Variants in ZNF317 observed in about 807,000 individuals in gnomAD.
The protein encoded by ZNF317 is zinc finger protein 317.
In ZNF317, 17 loss-of-function variants were observed where a neutral mutation model predicts 23.4. That is an observed-to-expected ratio of 0.73 (90% CI 0.50 to 1.09). ZNF317 has a LOEUF of 1.09. ZNF317 is among the 50% of genes least tolerant of loss of function. The probability of loss-of-function intolerance (pLI) is 0.00; values close to 1 mark genes in which losing one functional copy is unlikely to be tolerated. For synonymous variants in ZNF317, 317 were observed against 314.9 expected, an observed-to-expected ratio of 1.01 and a Z score of -0.07; for missense variants, 679 against 796.7, an observed-to-expected ratio of 0.85 and a Z score of 1.78.
At chr19:9,153,421 C>T (rs2050754292) in intron 1 of ZNF317, among the ~76,000 whole-genome samples, 1 of 152,148 alleles carries the variant, frequency 6.6e-6, no homozygotes, top group South Asian at 2.1e-4. Flanking sequence ...CCTTGGTCTC[C>T]CAAAGTGCTG....
rs887902240 is a variant in ZNF317, at chr19:9,161,047, C to A, written c.1402C>A (p.His468Asn). The change falls in exon 7 of 7, where the codon CAC becomes AAC. Residue 468 changes from histidine (H) to asparagine (N), a missense_variant. By Grantham distance (68) the His-to-Asn change is moderately conservative (BLOSUM62 1). Coordinates refer to ENST00000247956, the MANE Select transcript of ZNF317 (RefSeq NM_020933.5). This position sits in a 1 kb window ranked among gnomAD's most constrained non-coding sequence, Gnocchi z 4.0. The stretch of plus-strand genomic sequence containing the variant: ...AAACCTCACCGCACACAGGAAGATA[C>A]ACACGCAAGAGAGACGCTACGAATG... The part of the protein sequence containing the change: ...SSNLTAHRKI[H>N]TQERRYECAA... 1.9e-6 allele frequency: 3 copies of A among 1,614,172 alleles called. No individual in the cohort carries two copies. Among genetic ancestry groups the A allele is most frequent in the Non-Finnish European group, 2.5e-6 (3 of 1,180,034 alleles).
At chr19:9,153,153 T>G (rs2050750977) in intron 1 of ZNF317, among the ~76,000 whole-genome samples, 1 of 99,824 alleles carries the variant, frequency 1.0e-5, no homozygotes, top group African/African-American at 4.3e-5. Flanking sequence ...GTTGTTTTTG[T>G]TTGTTTGTTT....
intron 6 of ZNF317, 149 bp downstream of exon 6, chr19:9,159,057 A>T (rs932071201): frequency 3.2e-6 from 2 of 623,774 alleles, no homozygotes; most frequent in Non-Finnish European, 5.7e-6. Flanking sequence ...ACCAAGATGG[A>T]GACAACCCTA....
In ZNF317 at chr19:9,152,152, C is replaced by T. The variant is rs545867979; in HGVS notation, c.-92-3773C>T. On this transcript the variant is annotated intron_variant, in intron 1 of 6. Transcript: ENST00000247956. The stretch of plus-strand genomic sequence containing the variant: ...CGATCTCCTGACCTCCTGATCCACC[C>T]GCCTCGGCCTCCCAAAATGCTGGGA... Among the ~76,000 whole-genome samples the T allele has an allele frequency of 5.9e-5, 9 of 152,094 alleles. No homozygotes were observed. In the South Asian group the frequency reaches 6.2e-4, roughly 11 times the overall value.
chr19:9,162,572 C>G lies in ZNF317; in HGVS notation c.*1139C>G, dbSNP rs986260879. On this transcript the variant is annotated 3_prime_UTR_variant, in exon 7 of 7. Transcript: ENST00000247956. The stretch of plus-strand genomic sequence containing the variant: ...TCTTTCATCACGGAAACAGACCCCC[C>G]GAGAGAAGCCCCAACGAGATTTTCC... 2 of 144,504 alleles carry G rather than the reference C, an allele frequency of 1.4e-5. No homozygotes were observed. Among genetic ancestry groups the G allele is most frequent in the African/African-American group, 2.7e-5 (1 of 37,688 alleles). 9.0% of individuals were successfully genotyped at this position (144,504 alleles called of 1,614,324 possible). A position where few individuals can be genotyped will look rare whatever the true frequency, so the allele number is the denominator to read the frequency against.
rs779918100 is a variant in ZNF317, at chr19:9,161,413, G to C, written c.1768G>C (p.Val590Leu). 1 of 1,612,352 alleles carries C rather than the reference G, an allele frequency of 6.2e-7. No homozygotes were observed. Residue 590 changes from valine to leucine, a missense_variant, in exon 7 of 7, where the codon GTG becomes CTG. Physicochemically the swap from Val to Leu is conservative, Grantham distance 32 (BLOSUM62 1). Transcript: ENST00000247956. The surrounding 1 kb of genome is among the most constrained non-coding windows in gnomAD (Gnocchi z 4.0). ...HRGEKLFVSS[V>L]WKRLQ is the part of the protein sequence containing the mutation. ...GGGAGAGAAGCTCTTTGTGTCATCC[G>C]TGTGGAAAAGGCTCCAGTGAGCGCG...
intron 1 of ZNF317, among the ~76,000 whole-genome samples, chr19:9,145,114 G>A (rs143079739): frequency 6.7e-4 from 102 of 152,076 alleles, no homozygotes; most frequent in South Asian, 1.5e-3. Context: ...GCGTAATCTC[G>A]TCTCACTGCA....
At position 9,162,391 on chromosome 19, in the gene ZNF317, G is replaced by A. The variant is rs2050868586; in HGVS notation, c.*958G>A. The A allele has an allele frequency of 6.6e-6, 1 of 151,910 alleles. No individual in the cohort carries two copies. Among genetic ancestry groups the A allele is most frequent in the Non-Finnish European group, 1.5e-5 (1 of 68,006 alleles). 9.4% of individuals were successfully genotyped at this position (151,910 alleles called of 1,614,324 possible). A position where few individuals can be genotyped will look rare whatever the true frequency, so the allele number is the denominator to read the frequency against. Reference sequence around the variant, plus strand: ...TGAATCTTGTGAGCACTTACGCTAGGAGAAATTTCTTTTACAAAACTTTTA... The same window carrying A: ...TGAATCTTGTGAGCACTTACGCTAGAAGAAATTTCTTTTACAAAACTTTTA... On this transcript the variant is annotated 3_prime_UTR_variant, in exon 7 of 7. Coordinates refer to ENST00000247956, the MANE Select transcript of ZNF317 (RefSeq NM_020933.5).
At chr19:9,149,472 A>C (rs1448545905) in intron 1 of ZNF317, among the ~76,000 whole-genome samples, 1 of 152,118 alleles carries the variant, frequency 6.6e-6, no homozygotes, top group African/African-American at 2.4e-5. Context: ...ACTCCATCTC[A>C]AAAGAAAAGA....
intron 1 of ZNF317, among the ~76,000 whole-genome samples, chr19:9,142,544 ATTT>A (rs35609929): frequency 5.7e-4 from 76 of 133,728 alleles, no homozygotes; most frequent in African/African-American, 1.2e-3. Flanking sequence ...TTAACAAGTG[ATTT>A]TTTTTTTTTT....
chr19:9,160,049 A>G lies in ZNF317; in HGVS notation c.469-65A>G. 6.3e-7 allele frequency: 1 copy of G among 1,595,132 alleles called. No individual in the cohort carries two copies. Among genetic ancestry groups the G allele is most frequent in the Non-Finnish European group, 8.6e-7 (1 of 1,169,400 alleles). ...TCTGTTCATAGCAGTGTATGTGGGG[A>G]TGACGCTTAGGGTTGCAATGAATAT... On this transcript the variant is annotated intron_variant, in intron 6 of 6. Transcript: ENST00000247956. This position sits in a 1 kb window ranked among gnomAD's most constrained non-coding sequence, Gnocchi z 6.8.
At chr19:9,151,907 C>CTTTTTTTT (rs57588267) in intron 1 of ZNF317, among the ~76,000 whole-genome samples, 11 of 128,808 alleles carry the variant, frequency 8.5e-5, no homozygotes, top group Non-Finnish European at 1.6e-4. Context: ...TGGTCCTGGA[C>CTTTTTTTT]TTTTTTTTTT....
At chr19:9,158,561 A>G (rs1301302325) in intron 5 of ZNF317, among the ~76,000 whole-genome samples, 1 of 151,176 alleles carries the variant, frequency 6.6e-6, no homozygotes, top group African/African-American at 2.4e-5. Context: ...CTGGTCTCGA[A>G]CACCTGACCT....
chr19:9,146,300 G>A (rs986865080), intron 1 of ZNF317, among the ~76,000 whole-genome samples: 23 of 151,278 alleles, frequency 1.5e-4, no homozygotes, highest in African/African-American at 5.1e-4. Context: ...TTGAAAGGAG[G>A]GTATATTGAT....
intron 1 of ZNF317, among the ~76,000 whole-genome samples, chr19:9,148,003 C>A (rs185566656): frequency 2.0e-4 from 31 of 152,230 alleles, no homozygotes; most frequent in African/African-American, 7.5e-4. Context: ...CGGTCATTTA[C>A]ACGTGTGTGG....
intron 1 of ZNF317, among the ~76,000 whole-genome samples, chr19:9,153,514 G>A (rs1448471938): frequency 1.3e-5 from 2 of 152,136 alleles, no homozygotes; most frequent in Admixed American, 1.3e-4. Context: ...CTAGGCAAAG[G>A]GAATAAGATC....
chr19:9,143,517 T>G (rs1254533388), intron 1 of ZNF317, among the ~76,000 whole-genome samples: 2 of 152,106 alleles, frequency 1.3e-5, no homozygotes, highest in East Asian at 3.8e-4. Context: ...GATTTAGAAT[T>G]TTTTTCTTTT....
At chr19:9,143,923 CTTT>C (rs375892513) in intron 1 of ZNF317, among the ~76,000 whole-genome samples, 1 of 124,004 alleles carries the variant, frequency 8.1e-6, no homozygotes. Context: ...AACCAGCTTT[CTTT>C]TTTTTTTTTT....
At position 9,161,021 on chromosome 19, in the gene ZNF317, C is replaced by G. The variant is rs1364574780; in HGVS notation, c.1376C>G (p.Ser459Ter). ...DLCGKAFSASSNLTAHRKIHT... is the reference protein window; with the variant it reads ...DLCGKAFSAS Reference sequence around the variant, plus strand: ...TGCGGGAAAGCTTTCAGCGCGAGTTCAAACCTCACCGCACACAGGAAGATA... The same window carrying G: ...TGCGGGAAAGCTTTCAGCGCGAGTTGAAACCTCACCGCACACAGGAAGATA... Residue 459 changes from serine (S) to a stop codon, truncating the protein, a stop_gained, in exon 7 of 7, where the codon TCA becomes TGA. Transcript: ENST00000247956. LOFTEE classifies it low-confidence loss of function (END_TRUNC). The surrounding 1 kb of genome is among the most constrained non-coding windows in gnomAD (Gnocchi z 4.0). 2.5e-6 allele frequency: 4 copies of G among 1,614,158 alleles called. No individual in the cohort carries two copies. Among genetic ancestry groups the G allele is most frequent in the Non-Finnish European group, 2.5e-6 (3 of 1,180,032 alleles).
Sources: allele counts gnomAD v4.1 joint callset (sites outside exome capture counted in the v4.1 genomes callset), GRCh38; gene constraint gnomAD v4.1.1; non-coding constraint Gnocchi (gnomAD v3.1); transcripts MANE v1.5; gene names NCBI Gene and HGNC (gene_info 2026-07-23, HGNC 2026-07-21).